The following BPTF variants were observed in gnomAD, a reference collection of about 807,000 sequenced individuals.
The protein encoded by BPTF is bromodomain PHD finger transcription factor.
Under a neutral mutation model 292.5 loss-of-function variants are expected in BPTF, and 18 were observed. The ratio of observed to expected loss-of-function variants is 0.06; its 90% CI spans 0.04 to 0.09. The LOEUF is 0.09. Ranked by LOEUF, BPTF falls within the 10% of genes least tolerant of loss-of-function variation. The pLI, the probability that BPTF is intolerant of heterozygous loss-of-function variation, is 1.00. For missense variants in BPTF, 2,726 were observed against 3,498.7 expected (o/e 0.78, Z 5.57); for synonymous variants, 1,225 against 1,251.9 (o/e 0.98, Z 0.45).
chr17:67,950,030 G>A (rs1555677700), intron 23 of BPTF, among the ~76,000 whole-genome samples: 1 of 136,668 alleles, frequency 7.3e-6, no homozygotes, highest in African/African-American at 2.7e-5. Flanking sequence ...CTCCAACCTG[G>A]GCAACAGAAT....
chr17:67,944,094 A>G lies in BPTF; in HGVS notation c.6478-56A>G, dbSNP rs1010254959. On this transcript the variant is annotated intron_variant, in intron 19 of 27. Transcript: ENST00000306378. ...ACATAAAAATGATTTAATAAAAATG[A>G]TATACATACAGATTGATGCTTTGAA... 2.7e-5 allele frequency: 33 copies of G among 1,242,686 alleles called. No homozygotes were observed. The African/African-American group carries it at 4.5e-4, about 17-fold the overall frequency. The allele number at this position is 1,242,686 out of a possible 1,614,324, so 77.0% of individuals were successfully genotyped here. A position where few individuals can be genotyped will look rare whatever the true frequency, so the allele number is the denominator to read the frequency against.
Position 67,870,339 on chromosome 17 carries a change from T to C in BPTF, c.1660+3652T>C, listed in dbSNP as rs182696098. Among the ~76,000 whole-genome samples, 13 of 151,582 alleles carry C rather than the reference T, an allele frequency of 8.6e-5. No individual in the cohort carries two copies. In the East Asian group the frequency reaches 2.3e-3, roughly 27 times the overall value. On this transcript the variant is annotated intron_variant, in intron 3 of 27. Transcript: ENST00000306378. ...AGGGATTCACAAGAATTGAAAATTGTTGGGGAAGAGAAGGGGACACGGACA... is the reference window on the plus strand; with the variant it reads ...AGGGATTCACAAGAATTGAAAATTGCTGGGGAAGAGAAGGGGACACGGACA...
At position 67,922,813 on chromosome 17, in the gene BPTF, T is replaced by C. The variant is rs749373721; in HGVS notation, c.5558-27T>C. On this transcript the variant is annotated intron_variant, in intron 13 of 27. Coordinates refer to ENST00000306378, the MANE Select transcript of BPTF (RefSeq NM_182641.4). ...CTTTAATTTTAGAAGCAATATTGCT[T>C]AAAATATTCTGATTTCCTTTCCAAA... 5.6e-5 allele frequency: 89 copies of C among 1,577,938 alleles called. No individual in the cohort carries two copies. In the South Asian group the frequency reaches 1.0e-3, roughly 18 times the overall value.
chr17:67,882,073 G>A (rs988975757), intron 4 of BPTF, among the ~76,000 whole-genome samples: 46 of 152,020 alleles, frequency 3.0e-4, no homozygotes, highest in Non-Finnish European at 5.9e-5. Flanking sequence ...GACCTCAGGT[G>A]ATCCGCCCAC....
rs782105328 is a variant in BPTF at position 67,959,559 on chromosome 17, C to G, written c.7945C>G (p.Leu2649Val). The change falls in exon 24 of 28, where the codon CTG (leucine) becomes GTG (valine). Residue 2649 changes from leucine to valine, a missense_variant. By Grantham distance (32) the Leu-to-Val change is conservative. This residue lies in a region of BPTF where 148 missense variants were observed against 145.5 expected (regional missense o/e 1.02). Coordinates refer to ENST00000306378, the MANE Select transcript of BPTF (RefSeq NM_182641.4). The stretch of plus-strand genomic sequence containing the variant: ...ATAACAGGAAGAGCTGAAGAGAGAC[C>G]TGAAAATTAAGAAAGAAAAAGACCT... The part of the protein sequence containing the change: ...IEVQEELKRD[L>V]KIKKEKDLMQ... The G allele has an allele frequency of 6.6e-7, 1 of 1,523,746 alleles. No homozygotes were observed. Among genetic ancestry groups the G allele is most frequent in the Non-Finnish European group, 8.8e-7 (1 of 1,140,850 alleles). 94.4% of individuals were successfully genotyped at this position (1,523,746 alleles called of 1,614,324 possible).
At chr17:67,909,332 A>G (rs2062489563) in intron 9 of BPTF, among the ~76,000 whole-genome samples, 1 of 127,490 alleles carries the variant, frequency 7.8e-6, no homozygotes, top group Admixed American at 9.6e-5. Flanking sequence ...ATCATATTTC[A>G]CCAAAAATGT....
chr17:67,909,267 G>GT (rs1486934058), intron 9 of BPTF, among the ~76,000 whole-genome samples: 2 of 122,754 alleles, frequency 1.6e-5, no homozygotes, highest in East Asian at 4.1e-4. Flanking sequence ...ACCGCACCAG[G>GT]TCCCCCCCCC....
intron 12 of BPTF, among the ~76,000 whole-genome samples, chr17:67,919,532 C>T (rs1012127288): frequency 3.3e-5 from 5 of 152,096 alleles, no homozygotes; most frequent in Non-Finnish European, 2.9e-5. Flanking sequence ...GAGCAAAACC[C>T]TGTCTCTTAA....
chr17:67,854,377 G>C lies in BPTF; in HGVS notation c.1051G>C (p.Asp351His). 6.2e-7 allele frequency: 1 copy of C among 1,614,174 alleles called. No individual in the cohort carries two copies. Among genetic ancestry groups the C allele is most frequent in the Non-Finnish European group, 8.5e-7 (1 of 1,180,038 alleles). Reference sequence around the variant, plus strand: ...CGTTCTTCCTTACCAAGAGGCAGAGGACTACCCATATGGACCAGTAGAGAA... The same window carrying C: ...CGTTCTTCCTTACCAAGAGGCAGAGCACTACCCATATGGACCAGTAGAGAA... ...HHVLPYQEAE[D>H]YPYGPVENKI... The change falls in exon 2 of 28, where the codon GAC (aspartate) becomes CAC (histidine). Residue 351 changes from aspartate to histidine, a missense_variant. This residue lies in a region of BPTF where 102 missense variants were observed against 212.6 expected (regional missense o/e 0.48). Transcript: ENST00000306378. This position sits in a 1 kb window ranked among gnomAD's most constrained non-coding sequence, Gnocchi z 5.6.
chr17:67,975,823 C>T lies in BPTF; in HGVS notation c.8591C>T (p.Thr2864Met), dbSNP rs782391484. The T allele has an allele frequency of 8.1e-6, 13 of 1,613,966 alleles. No individual in the cohort carries two copies. The highest frequency in any genetic ancestry group is 2.2e-5 in the East Asian group (1 of 44,860). The part of the protein sequence containing the change: ...RVQRRYYEKL[T>M]EFVADMTKIF... ...CAAAGACGATATTATGAAAAGCTGA[C>T]GGAATTTGTGGCAGATATGACCAAA... The change falls in exon 27 of 28, where the codon ACG becomes ATG. Residue 2864 changes from threonine (T) to methionine (M), a missense_variant. Coordinates refer to ENST00000306378, the MANE Select transcript of BPTF (RefSeq NM_182641.4).
intron 18 of BPTF, among the ~76,000 whole-genome samples, chr17:67,935,884 T>C (rs1306898306): frequency 6.6e-6 from 1 of 152,186 alleles, no homozygotes; most frequent in Non-Finnish European, 1.5e-5. Flanking sequence ...ATAGGTATCC[T>C]TGTAGTAAGA....
chr17:67,939,705 A>G (rs1327181376), intron 18 of BPTF, among the ~76,000 whole-genome samples: 2 of 152,152 alleles, frequency 1.3e-5, no homozygotes, highest in Non-Finnish European at 2.9e-5. Flanking sequence ...GTGAAACCCC[A>G]TCTCTATTAA....
chr17:67,949,910 G>A (rs1369950095), intron 23 of BPTF, among the ~76,000 whole-genome samples: 1 of 151,462 alleles, frequency 6.6e-6, no homozygotes, highest in Non-Finnish European at 1.5e-5. Flanking sequence ...AAAATTAGCC[G>A]GACATGGTGG....
Position 67,945,436 on chromosome 17 carries a change from T to G in BPTF, c.6728T>G (p.Leu2243Arg). ...AGTGEQRQSKLSPQMQVHQDK... is the reference protein window; with the variant it reads ...AGTGEQRQSKRSPQMQVHQDK... ...ACAGGTGAACAAAGGCAGAGTAAAC[T>G]GTCACCCCAGATGCAGGTACATCAA... is the stretch of plus-strand genomic sequence containing the variant. Residue 2243 changes from leucine (L) to arginine (R), a missense_variant, in exon 21 of 28, where the codon CTG becomes CGG. Physicochemically the swap from Leu to Arg is moderately radical, Grantham distance 102. This residue lies in a region of BPTF where 570 missense variants were observed against 633.5 expected (regional missense o/e 0.90). Transcript: ENST00000306378. 1 of 1,613,886 alleles carries G rather than the reference T, an allele frequency of 6.2e-7. No individual in the cohort carries two copies. Among genetic ancestry groups the G allele is most frequent in the Non-Finnish European group, 8.5e-7 (1 of 1,179,914 alleles).
In BPTF at chr17:67,854,914, G is replaced by A. The variant is rs946511576; in HGVS notation, c.1436+152G>A. 1.9e-5 allele frequency: 12 copies of A among 642,764 alleles called. No homozygotes were observed. Among genetic ancestry groups the A allele is most frequent in the African/African-American group, 1.8e-4 (10 of 54,678 alleles). The allele number at this position is 642,764 out of a possible 1,614,324, so 39.8% of individuals were successfully genotyped here. On this transcript the variant is annotated intron_variant, in intron 2 of 27. Transcript: ENST00000306378. This position sits in a 1 kb window ranked among gnomAD's most constrained non-coding sequence, Gnocchi z 5.6. Reference sequence around the variant, plus strand: ...AATAATTTCTTAATTGAAGGAATATGTGCATTAAAATAGCTTTTAAGAAGG... The same window carrying A: ...AATAATTTCTTAATTGAAGGAATATATGCATTAAAATAGCTTTTAAGAAGG...
intron 27 of BPTF, chr17:67,981,776 G>T: frequency 6.3e-6 from 6 of 957,318 alleles, no homozygotes; most frequent in Non-Finnish European, 7.5e-6. Context: ...AGACTTTCTG[G>T]ACTTTAATAG....
chr17:67,932,707 G>GA (rs893797599), intron 18 of BPTF, among the ~76,000 whole-genome samples: 5 of 150,300 alleles, frequency 3.3e-5, no homozygotes, highest in Non-Finnish European at 4.4e-5. Flanking sequence ...TCTCAAAAAA[G>GA]AAAAAAAAGT....
chr17:67,920,198 G>A, intron 13 of BPTF, 55 bp downstream of exon 13: 2 of 1,540,718 alleles, frequency 1.3e-6, no homozygotes, highest in Non-Finnish European at 1.8e-6. Context: ...TGTATTTTAT[G>A]AATTGAAATT....
Position 67,911,859 on chromosome 17 carries a change from T to C in BPTF, c.3975T>C (p.Asp1325=), listed in dbSNP as rs1049790092. 32 of 1,613,928 alleles carry C rather than the reference T, an allele frequency of 2.0e-5. 1 individual carries two copies. Among genetic ancestry groups the C allele is most frequent in the East Asian group, 1.6e-4 (7 of 44,892 alleles). The change falls in exon 11 of 28, where the codon GAT becomes GAC. Residue 1325 remains aspartate, a synonymous_variant. Transcript: ENST00000306378. ...AACAGTTCAGAACTCGAGAACAAGA[T>C]GTTGAAGTCTTGGAGCCGTTAAAGT... ...ISEQFRTREQ[D]VEVLEPLKCE...
Sources: allele counts gnomAD v4.1 joint callset (sites outside exome capture counted in the v4.1 genomes callset), GRCh38; gene constraint gnomAD v4.1.1; regional missense constraint gnomAD v4.1.1; non-coding constraint Gnocchi (gnomAD v3.1); transcripts MANE v1.5; gene names NCBI Gene and HGNC (gene_info 2026-07-23, HGNC 2026-07-21).